Variants in AADAC observed in about 807,000 individuals in gnomAD.
AADAC encodes arylacetamide deacetylase.
A neutral mutation model predicts 22.7 loss-of-function variants in AADAC; 17 were observed. The observed-to-expected ratio is 0.75, with a 90% CI of 0.51 to 1.12. The LOEUF (loss-of-function observed/expected upper bound fraction) is 1.12, where lower values mean the gene tolerates loss of function less well. Ranked by LOEUF, AADAC falls within the 50% of genes most tolerant of loss-of-function variation. AADAC has a pLI of 0.00. For missense variants in AADAC, 465 were observed against 473.9 expected (o/e 0.98, Z 0.17); for synonymous variants, 167 against 176.3 (o/e 0.95, Z 0.42).
rs1273124351 is a variant in AADAC, at chr3:151,817,375, G to A, written c.148G>A (p.Val50Met). Residue 50 changes from valine (V) to methionine (M), a missense_variant, in exon 2 of 5, where the codon GTG becomes ATG. Val to Met is a conservative substitution (Grantham distance 21). Coordinates refer to ENST00000232892, the MANE Select transcript of AADAC (RefSeq NM_001086.3). ...LKTIQNLATF[V>M]ELLGLHHFMD... The stretch of plus-strand genomic sequence containing the variant: ...TGAATTTCATTTTTAGGCTACATTT[G>A]TGGAGCTCCTGGGACTTCACCATTT... The A allele has an allele frequency of 6.2e-7, 1 of 1,612,496 alleles. No individual in the cohort carries two copies. Among genetic ancestry groups the A allele is most frequent in the Non-Finnish European group, 8.5e-7 (1 of 1,178,662 alleles).
At chr3:151,822,320 A>C (rs1411273705) in intron 3 of AADAC, among the ~76,000 whole-genome samples, 1 of 152,038 alleles carries the variant, frequency 6.6e-6, no homozygotes, top group African/African-American at 2.4e-5. Flanking sequence ...TACACAAGAG[A>C]AATGAAAACA....
Position 151,820,442 on chromosome 3 carries a change from G to A in AADAC, c.421G>A (p.Val141Ile), listed in dbSNP as rs760075146. The A allele has an allele frequency of 7.0e-6, 11 of 1,578,350 alleles. No homozygotes were observed. Among genetic ancestry groups the A allele is most frequent in the South Asian group, 4.7e-5 (4 of 85,958 alleles). Reference protein sequence around the residue: ...WTADRLDAVVVSTNYRLAPKY... With the variant: ...WTADRLDAVVISTNYRLAPKY... ...AGCAGACAGACTTGATGCTGTCGTC[G>A]TATCAACCAAGTAAGAGCTGTGCTG... Residue 141 changes from valine (V) to isoleucine (I), a missense_variant, in exon 3 of 5, where the codon GTA becomes ATA. By Grantham distance (29) the Val-to-Ile change is conservative. Coordinates refer to ENST00000232892, the MANE Select transcript of AADAC (RefSeq NM_001086.3).
intron 3 of AADAC, among the ~76,000 whole-genome samples, chr3:151,824,113 G>A (rs1365415679): frequency 6.6e-6 from 1 of 151,772 alleles, no homozygotes; most frequent in Non-Finnish European, 1.5e-5. Context: ...TTTTCACTCT[G>A]ATTCTATGAA....
At chr3:151,818,084 T>C (rs540083071) in intron 2 of AADAC, among the ~76,000 whole-genome samples, 12 of 151,504 alleles carry the variant, frequency 7.9e-5, no homozygotes, top group African/African-American at 2.9e-4. Context: ...ACTAAAACAA[T>C]ACAAAAATTA....
chr3:151,825,286 A>G (rs1332350341), intron 4 of AADAC, among the ~76,000 whole-genome samples: 3 of 151,844 alleles, frequency 2.0e-5, no homozygotes, highest in Admixed American at 1.3e-4. Context: ...TAGGAGGCTG[A>G]GGAGGCTGAG....
rs1490692743 is a variant in AADAC at position 151,828,340 on chromosome 3, A to T, written c.*168A>T. 1.7e-5 allele frequency: 7 copies of T among 405,972 alleles called. No homozygotes were observed. Among genetic ancestry groups the T allele is most frequent in the Non-Finnish European group, 8.7e-6 (2 of 230,134 alleles). 25.1% of individuals were successfully genotyped at this position (405,972 alleles called of 1,614,324 possible). ...TTTCTTACTGTGGGATTTCATTTCA[A>T]TTTTCTACATTGTCTATCTGCTTTT... On this transcript the variant is annotated 3_prime_UTR_variant, in exon 5 of 5. Coordinates refer to ENST00000232892, the MANE Select transcript of AADAC (RefSeq NM_001086.3).
At chr3:151,821,911 C>T (rs959430981) in intron 3 of AADAC, among the ~76,000 whole-genome samples, 2 of 150,570 alleles carry the variant, frequency 1.3e-5, no homozygotes, top group Non-Finnish European at 3.0e-5. Flanking sequence ...AAGCATCTTT[C>T]ATGTACTTGA....
chr3:151,816,209 C>A (rs73016413), intron 1 of AADAC, among the ~76,000 whole-genome samples: 16,880 of 152,060 alleles, frequency 0.11, 1,253 homozygotes, highest in Admixed American at 0.15. Context: ...CCCTCCCAAC[C>A]CTGACTCCCA....
At chr3:151,814,332 C>T (rs1208467896) in intron 1 of AADAC, 32 bp downstream of exon 1, 3 of 1,576,438 alleles carry the variant, frequency 1.9e-6, no homozygotes, top group Non-Finnish European at 2.6e-6. Context: ...TTCAGATGTG[C>T]ATACACCACC....
intron 1 of AADAC, 62 bp downstream of exon 1, chr3:151,814,362 GT>G (rs1715892357): frequency 6.8e-7 from 1 of 1,475,446 alleles, no homozygotes; most frequent in Non-Finnish European, 9.1e-7. Flanking sequence ...AGAGAATTAA[GT>G]TTTTCAAGAT....
Position 151,828,096 on chromosome 3 carries a change from C to G in AADAC, c.1124C>G (p.Ala375Gly), listed in dbSNP as rs142455718. The G allele has an allele frequency of 6.8e-6, 11 of 1,610,360 alleles. No homozygotes were observed. Among genetic ancestry groups the G allele is most frequent in the Middle Eastern group, 1.7e-4 (1 of 6,052 alleles). Reference sequence around the variant, plus strand: ...CATGTTGAGGATGGATTCCATGGAGCATTTTCATTTCTGGGACTTAAAATT... The same window carrying G: ...CATGTTGAGGATGGATTCCATGGAGGATTTTCATTTCTGGGACTTAAAATT... ...HNHVEDGFHG[A>G]FSFLGLKISH... Residue 375 changes from alanine to glycine, a missense_variant, in exon 5 of 5, where the codon GCA (alanine) becomes GGA (glycine). Coordinates refer to ENST00000232892, the MANE Select transcript of AADAC (RefSeq NM_001086.3).
chr3:151,827,034 C>A (rs930587), intron 4 of AADAC, among the ~76,000 whole-genome samples: 114,246 of 151,116 alleles, frequency 0.76, 43,535 homozygotes, highest in Middle Eastern at 0.84. Flanking sequence ...TGTGTCTTAG[C>A]CTCCTGAGTA....
At chr3:151,824,991 T>G in intron 4 of AADAC, 157 bp downstream of exon 4, 3 of 546,732 alleles carry the variant, frequency 5.5e-6, no homozygotes, top group Non-Finnish European at 8.6e-6. Context: ...AAGAAATGAC[T>G]AAAACATTAT....
At chr3:151,823,556 T>C (rs1716342979) in intron 3 of AADAC, among the ~76,000 whole-genome samples, 1 of 151,932 alleles carries the variant, frequency 6.6e-6, no homozygotes, top group Non-Finnish European at 1.5e-5. Flanking sequence ...AAATTAAGAC[T>C]ATTATAAGAT....
rs540143830 is a variant in AADAC, at chr3:151,818,613, G to A, written c.361+1025G>A. ...CTCAGCGTTTGCCTTATTTGAAACT[G>A]GTTCCACAAGTTGGTTACCTTTGGC... is the stretch of plus-strand genomic sequence containing the variant. On this transcript the variant is annotated intron_variant, in intron 2 of 4. Transcript: ENST00000232892. 2.0e-5 allele frequency among the ~76,000 whole-genome samples: 3 copies of A among 152,150 alleles called. No individual in the cohort carries two copies. The South Asian group carries it at 6.2e-4, about 32-fold the overall frequency.
chr3:151,819,637 T>C (rs778629329), intron 2 of AADAC, among the ~76,000 whole-genome samples: 2 of 151,942 alleles, frequency 1.3e-5, no homozygotes, highest in Non-Finnish European at 2.9e-5. Flanking sequence ...AGTAGAAATA[T>C]GTTAGCCAAG....
In AADAC at chr3:151,827,679, C is replaced by A. The variant is rs1716557908; in HGVS notation, c.707C>A (p.Ser236Ter). The change falls in exon 5 of 5, where the codon TCA (serine) becomes TAA (stop). Residue 236 changes from serine (S) to a stop codon, truncating the protein, a stop_gained. Transcript: ENST00000232892. LOFTEE classifies it low-confidence loss of function (END_TRUNC). ...DVDLPSYQENSNFLFLSKSLM... is the reference protein window; with the variant it reads ...DVDLPSYQEN ...GATTTACCGTCATATCAAGAAAATT[C>A]AAATTTTCTATTTCTATCCAAATCA... The A allele has an allele frequency of 6.2e-7, 1 of 1,612,266 alleles. No homozygotes were observed. Among genetic ancestry groups the A allele is most frequent in the African/African-American group, 1.3e-5 (1 of 74,958 alleles).
Position 151,828,317 on chromosome 3 carries a change from T to A in AADAC, c.*145T>A. On this transcript the variant is annotated 3_prime_UTR_variant, in exon 5 of 5. Coordinates refer to ENST00000232892, the MANE Select transcript of AADAC (RefSeq NM_001086.3). ...AATAGGCACTTTTCTGTTTTTTTTT[T>A]CTTACTGTGGGATTTCATTTCAATT... The A allele has an allele frequency of 2.2e-6, 1 of 450,300 alleles. No homozygotes were observed. The highest frequency in any genetic ancestry group is 3.8e-6 in the Non-Finnish European group (1 of 263,800). The allele number at this position is 450,300 out of a possible 1,614,324, so 27.9% of individuals were successfully genotyped here.
At position 151,824,526 on chromosome 3, in the gene AADAC, T is replaced by C. The variant is rs1576645024; in HGVS notation, c.432-137T>C. On this transcript the variant is annotated intron_variant, in intron 3 of 4. Coordinates refer to ENST00000232892, the MANE Select transcript of AADAC (RefSeq NM_001086.3). ...TAGTTTGAAAATTAAAGAAATTATA[T>C]ACTTATGTGCACCTCCAGCATGTAT... The C allele has an allele frequency of 1.7e-5, 9 of 529,070 alleles. No individual in the cohort carries two copies. In the East Asian group the frequency reaches 2.1e-4, roughly 12 times the overall value. 32.8% of individuals were successfully genotyped at this position (529,070 alleles called of 1,614,324 possible). A position where few individuals can be genotyped will look rare whatever the true frequency, so the allele number is the denominator to read the frequency against.
Sources: allele counts gnomAD v4.1 joint callset (sites outside exome capture counted in the v4.1 genomes callset), GRCh38; gene constraint gnomAD v4.1.1; transcripts MANE v1.5; gene names NCBI Gene and HGNC (gene_info 2026-07-23, HGNC 2026-07-21).